The following LY75 variants were observed in gnomAD, a reference collection of about 807,000 sequenced individuals.
LY75 encodes the protein C-type lectin domain family 13 member B.
Under a neutral mutation model 231.7 loss-of-function variants are expected in LY75, and 185 were observed. The observed-to-expected ratio is 0.80, with a 90% CI of 0.71 to 0.90. The LOEUF (loss-of-function observed/expected upper bound fraction) is 0.90, where lower values mean the gene tolerates loss of function less well. Ranked by LOEUF, LY75 falls within the 40% of genes least tolerant of loss-of-function variation. The probability of loss-of-function intolerance (pLI) is 0.00; values close to 1 mark genes in which losing one functional copy is unlikely to be tolerated. For synonymous variants in LY75, 668 were observed against 689.0 expected, an observed-to-expected ratio of 0.97 and a Z score of 0.48; for missense variants, 1,947 against 2,050.2, an observed-to-expected ratio of 0.95 and a Z score of 0.97.
At chr2:159,863,544 T>G (rs2125862274) in intron 14 of LY75, among the ~76,000 whole-genome samples, 1 of 152,296 alleles carries the variant, frequency 6.6e-6, no homozygotes, top group Admixed American at 6.5e-5. Context: ...ATTTCCCTGA[T>G]GATTAGTGAT....
In LY75 at chr2:159,850,069, T is replaced by C; in HGVS notation, c.3061A>G (p.Lys1021Glu). ...WIGLRWTAYE[K>E]INKWTDNREL... is the part of the protein sequence containing the mutation. ...CTGTTATCTGTCCATTTGTTTATCTTTTCATAGGCAGTCCAGCGCAAACCA... is the reference window on the plus strand; with the variant it reads ...CTGTTATCTGTCCATTTGTTTATCTCTTCATAGGCAGTCCAGCGCAAACCA... Residue 1021 changes from lysine to glutamate, a missense_variant, in exon 23 of 35, where the codon AAG (lysine) becomes GAG (glutamate). Physicochemically the swap from Lys to Glu is moderately conservative, Grantham distance 56. Coordinates refer to ENST00000263636, the MANE Select transcript of LY75 (RefSeq NM_002349.4). The C allele has an allele frequency of 1.9e-6, 3 of 1,614,036 alleles. No individual in the cohort carries two copies. Among genetic ancestry groups the C allele is most frequent in the Non-Finnish European group, 2.5e-6 (3 of 1,179,952 alleles).
chr2:159,808,891 T>G (rs1490238968), intron 32 of LY75, among the ~76,000 whole-genome samples: 1 of 152,164 alleles, frequency 6.6e-6, no homozygotes, highest in African/African-American at 2.4e-5. Flanking sequence ...TTGTGTAACC[T>G]CCCAATGCCA....
At chr2:159,887,635 T>C (rs1353533107) in intron 4 of LY75, among the ~76,000 whole-genome samples, 1 of 151,296 alleles carries the variant, frequency 6.6e-6, no homozygotes, top group Non-Finnish European at 1.5e-5. Flanking sequence ...AAAACACAGT[T>C]TTCTTGGGTC....
intron 28 of LY75, among the ~76,000 whole-genome samples, chr2:159,824,188 T>A (rs1156339898): frequency 2.0e-5 from 3 of 152,126 alleles, no homozygotes; most frequent in African/African-American, 4.8e-5. Flanking sequence ...ATCAATGTGC[T>A]GTTCAGATGA....
rs567300907 is a variant in LY75, at chr2:159,898,090, T to C, written c.466+598A>G. ...ATCCGTAGGCAAGAAAAAATATATT[T>C]TTCCTCCTTCTCCTTCTTTTCTTTT... On this transcript the variant is annotated intron_variant, in intron 2 of 34. Transcript: ENST00000263636. Among the ~76,000 whole-genome samples the C allele has an allele frequency of 3.9e-5, 6 of 152,172 alleles. No homozygotes were observed. The South Asian group carries it at 1.2e-3, about 32-fold the overall frequency.
chr2:159,834,063 ATGAACTTCATCC>A lies in LY75; in HGVS notation c.3810_3821del (p.Gln1270_Val1273del). On this transcript the variant is annotated inframe_deletion, in exon 27 of 35. Transcript: ENST00000263636. Reference sequence around the variant, plus strand: ...ACTTACTCAGTTTCTGGCATTTAGTATGAACTTCATCCTGTGTTGTTGCCATATGCCTATTCT... The same window carrying A: ...ACTTACTCAGTTTCTGGCATTTAGTATGTGTTGTTGCCATATGCCTATTCT... The A allele has an allele frequency of 4.3e-6, 7 of 1,613,684 alleles. No individual in the cohort carries two copies. In the South Asian group the frequency reaches 7.7e-5, roughly 18 times the overall value.
chr2:159,874,867 AATAT>A (rs1166006502), intron 12 of LY75, among the ~76,000 whole-genome samples: 1 of 129,614 alleles, frequency 7.7e-6, no homozygotes, highest in Non-Finnish European at 1.6e-5. Flanking sequence ...ATATTTTGTA[AATAT>A]ATATACATAT....
intron 13 of LY75, among the ~76,000 whole-genome samples, chr2:159,871,346 T>C (rs778871997): frequency 6.6e-6 from 1 of 151,996 alleles, no homozygotes; most frequent in South Asian, 2.1e-4. Flanking sequence ...AAGTAATAAA[T>C]TAGAGACCTG....
intron 33 of LY75, chr2:159,807,858 A>T: frequency 1.0e-6 from 1 of 983,578 alleles, no homozygotes; most frequent in Non-Finnish European, 1.2e-6. Flanking sequence ...ATTTCGTATT[A>T]AAAAATCCTT....
At chr2:159,854,962 G>A (rs552648352) in intron 16 of LY75, 23 bp from the exon 17 acceptor site, 2 of 1,613,498 alleles carry the variant, frequency 1.2e-6, no homozygotes, top group African/African-American at 2.7e-5. Context: ...GAAAGCAAGT[G>A]GCATTAGTAT....
At chr2:159,892,745 T>A (rs1415212649) in intron 3 of LY75, among the ~76,000 whole-genome samples, 1 of 152,216 alleles carries the variant, frequency 6.6e-6, no homozygotes, top group Non-Finnish European at 1.5e-5. Flanking sequence ...GATAATGATG[T>A]GATTGCTACT....
intron 2 of LY75, among the ~76,000 whole-genome samples, chr2:159,898,330 G>A (rs1057267221): frequency 6.9e-6 from 1 of 145,364 alleles, no homozygotes; most frequent in Non-Finnish European, 1.5e-5. Flanking sequence ...TAGATCATTT[G>A]ACTTTTAGCC....
intron 33 of LY75, chr2:159,808,229 A>G (rs1290331439): frequency 1.3e-6 from 1 of 796,762 alleles, no homozygotes; most frequent in African/African-American, 1.9e-5. Context: ...ACTTTATTTA[A>G]CAGGATTTTC....
At position 159,842,249 on chromosome 2, in the gene LY75, A is replaced by C; in HGVS notation, c.3276T>G (p.Tyr1092Ter). Residue 1092 changes from tyrosine to a stop codon, truncating the protein, a stop_gained, in exon 24 of 35, where the codon TAT becomes TAG. Coordinates refer to ENST00000263636, the MANE Select transcript of LY75 (RefSeq NM_002349.4). LOFTEE classifies it high-confidence loss of function. ...TATCTAGATAATAATTGTTACCTGA[A>C]TATTTCTGACAGAGAGACACAAAGT... is the stretch of plus-strand genomic sequence containing the variant. ...ERHFVSLCQK[Y>*]SEVKSRQTLQ... 1 of 1,610,618 alleles carries C rather than the reference A, an allele frequency of 6.2e-7. No individual in the cohort carries two copies. Among genetic ancestry groups the C allele is most frequent in the South Asian group, 1.1e-5 (1 of 91,026 alleles).
At chr2:159,888,245 C>G (rs1012907677) in intron 4 of LY75, among the ~76,000 whole-genome samples, 4 of 152,158 alleles carry the variant, frequency 2.6e-5, no homozygotes, top group African/African-American at 9.7e-5. Context: ...TGGGCATGAT[C>G]CTGTGCTCCT....
chr2:159,863,222 T>C (rs952023798), intron 14 of LY75, among the ~76,000 whole-genome samples: 4 of 152,138 alleles, frequency 2.6e-5, no homozygotes, highest in South Asian at 4.1e-4. Context: ...GATGGACACT[T>C]AGGTTGATTT....
At chr2:159,853,469 C>CT in intron 19 of LY75, 117 bp from the exon 20 acceptor site, 1 of 1,471,764 alleles carries the variant, frequency 6.8e-7, no homozygotes, top group Non-Finnish European at 9.2e-7. Flanking sequence ...CTCTATACCC[C>CT]TTTTTTCTTG....
In LY75 at chr2:159,890,308, G is replaced by A. The variant is rs771386773; in HGVS notation, c.707C>T (p.Thr236Met). ...ATAAGCTTCTTTCCAAGAAAGAGCC[G>A]TCTGAGTATTAAATTGGTAGCAACT... ...FGSCYQFNTQ[T>M]ALSWKEAYVS... The change falls in exon 4 of 35, where the codon ACG becomes ATG. Residue 236 changes from threonine to methionine, a missense_variant. Coordinates refer to ENST00000263636, the MANE Select transcript of LY75 (RefSeq NM_002349.4). The A allele has an allele frequency of 3.3e-5, 54 of 1,613,428 alleles. No individual in the cohort carries two copies. The highest frequency in any genetic ancestry group is 1.3e-4 in the East Asian group (6 of 44,858).
chr2:159,808,411 C>T (rs980856212), intron 33 of LY75, 38 bp downstream of exon 33: 4 of 1,612,826 alleles, frequency 2.5e-6, no homozygotes, highest in African/African-American at 1.3e-5. Context: ...TGAGTTAGAA[C>T]TCTCTTTGCA....
Sources: allele counts gnomAD v4.1 joint callset (sites outside exome capture counted in the v4.1 genomes callset), GRCh38; gene constraint gnomAD v4.1.1; transcripts MANE v1.5; gene names NCBI Gene and HGNC (gene_info 2026-07-23, HGNC 2026-07-21).